The following FBXO47 variants were observed in gnomAD, a reference collection of about 807,000 sequenced individuals.
FBXO47 encodes F-box only protein 47.
Under a neutral mutation model 53.9 loss-of-function variants are expected in FBXO47, and 34 were observed. The ratio of observed to expected loss-of-function variants is 0.63; its 90% CI spans 0.48 to 0.84. The LOEUF is 0.84. FBXO47 is among the 40% of genes least tolerant of loss of function. The probability of loss-of-function intolerance (pLI) is 0.00; values close to 1 mark genes in which losing one functional copy is unlikely to be tolerated. For missense variants in FBXO47, 485 were observed against 541.3 expected, an observed-to-expected ratio of 0.90 and a Z score of 1.03; for synonymous variants, 165 against 181.6, an observed-to-expected ratio of 0.91 and a Z score of 0.73.
chr17:38,942,653 AAT>A, intron 9 of FBXO47, 123 bp downstream of exon 9: 1 of 603,816 alleles, frequency 1.7e-6, no homozygotes, highest in Non-Finnish European at 2.8e-6. Context: ...AAACATTAAA[AAT>A]ATATACTTCA....
Position 38,953,633 on chromosome 17 carries a change from A to G in FBXO47, c.507+1223T>C, listed in dbSNP as rs144333072. On this transcript the variant is annotated intron_variant, in intron 5 of 10. Coordinates refer to ENST00000378079, the MANE Select transcript of FBXO47 (RefSeq NM_001008777.3). ...GAGTGAGACTCTGCCTCAAAAATAA[A>G]TAAATTAATTAATTAATAAAAACTA... is the stretch of plus-strand genomic sequence containing the variant. Among the ~76,000 whole-genome samples, 392 of 152,264 alleles carry G rather than the reference A, an allele frequency of 2.6e-3. 3 individuals carry two copies. The highest frequency in any genetic ancestry group is 8.7e-3 in the African/African-American group (362 of 41,550).
At chr17:38,945,168 T>G in intron 6 of FBXO47, 32 bp from the exon 7 acceptor site, 1 of 1,523,680 alleles carries the variant, frequency 6.6e-7, no homozygotes, top group Non-Finnish European at 9.1e-7. Flanking sequence ...AAATCATTCT[T>G]CGTAGAAAGG....
chr17:38,959,358 A>G (rs1905705662), intron 3 of FBXO47, among the ~76,000 whole-genome samples: 1 of 151,966 alleles, frequency 6.6e-6, no homozygotes, highest in Non-Finnish European at 1.5e-5. Flanking sequence ...TGAGGAGGGC[A>G]GATCACTTGA....
At chr17:38,957,396 G>C in intron 3 of FBXO47, 143 bp from the exon 4 acceptor site, 1 of 592,386 alleles carries the variant, frequency 1.7e-6, no homozygotes, top group Non-Finnish European at 3.0e-6. Context: ...AGAAAGTTTG[G>C]GAGGAAGGGT....
At position 38,954,840 on chromosome 17, in the gene FBXO47, A is replaced by T. The variant is rs1479491337; in HGVS notation, c.507+16T>A. The T allele has an allele frequency of 1.3e-6, 2 of 1,545,782 alleles. No individual in the cohort carries two copies. Among genetic ancestry groups the T allele is most frequent in the Admixed American group, 3.5e-5 (2 of 56,870 alleles). On this transcript the variant is annotated intron_variant, in intron 5 of 10. Coordinates refer to ENST00000378079, the MANE Select transcript of FBXO47 (RefSeq NM_001008777.3). Reference sequence around the variant, plus strand: ...CCAAAGGTATCCCTTTTCTTCTCTGATTAAAAAAAATGTACCTGTAAAAAC... The same window carrying T: ...CCAAAGGTATCCCTTTTCTTCTCTGTTTAAAAAAAATGTACCTGTAAAAAC...
At chr17:38,943,916 G>C (rs1904620406) in intron 7 of FBXO47, among the ~76,000 whole-genome samples, 180 bp from the exon 8 acceptor site, 2 of 152,282 alleles carry the variant, frequency 1.3e-5, no homozygotes, top group South Asian at 4.1e-4. Context: ...CTCTGGCCGG[G>C]CGTGGTGGCT....
At chr17:38,947,073 C>CATATATATAAACATATATATAAACATAT (rs1228057958) in intron 6 of FBXO47, among the ~76,000 whole-genome samples, 1 of 122,280 alleles carries the variant, frequency 8.2e-6, no homozygotes, top group Non-Finnish European at 1.6e-5. Flanking sequence ...TATATATAAA[C>CATATATATAAACATATATATAAACATAT]ATATATAAAC....
chr17:38,962,638 T>C (rs1282732926), intron 2 of FBXO47, among the ~76,000 whole-genome samples: 1 of 148,222 alleles, frequency 6.7e-6, no homozygotes, highest in Non-Finnish European at 1.5e-5. Context: ...ATAATAATAA[T>C]AGTAATAATA....
chr17:38,955,259 G>A (rs929349807), intron 4 of FBXO47, among the ~76,000 whole-genome samples: 1 of 151,510 alleles, frequency 6.6e-6, no homozygotes, highest in African/African-American at 2.4e-5. Flanking sequence ...GTGGTGGTGG[G>A]CACCTGTAGT....
intron 6 of FBXO47, among the ~76,000 whole-genome samples, chr17:38,948,995 C>A (rs1007013780): frequency 6.6e-6 from 1 of 152,076 alleles, no homozygotes; most frequent in Admixed American, 6.6e-5. Context: ...CACAGCACTT[C>A]ATTCTTTTTA....
intron 3 of FBXO47, among the ~76,000 whole-genome samples, chr17:38,959,624 T>TTGTGTGTGTGTGTG (rs34354922): frequency 2.2e-4 from 28 of 126,250 alleles, no homozygotes; most frequent in African/African-American, 7.6e-4. Flanking sequence ...CTTCAAAGCA[T>TTGTGTGTGTGTGTG]TGTGTGTGTG....
chr17:38,963,231 G>A (rs1046824183), intron 1 of FBXO47, among the ~76,000 whole-genome samples, 180 bp from the exon 2 acceptor site: 3 of 152,060 alleles, frequency 2.0e-5, no homozygotes, highest in Admixed American at 2.0e-4. Context: ...AGGCTGGAGT[G>A]CAATGGCGTA....
chr17:38,951,632 C>A lies in FBXO47; in HGVS notation c.565G>T (p.Glu189Ter). ...ECHRVYNFLC[E>*]LTNLCRKIQM... is the part of the protein sequence containing the mutation. ...ATCTTGCGGCAGAGATTAGTCAGTT[C>A]GCATAAGAAATTATAAACGCGATGG... Residue 189 changes from glutamate (E) to a stop codon, truncating the protein, a stop_gained, in exon 6 of 11, where the codon GAA (glutamate) becomes TAA (stop). Transcript: ENST00000378079. LOFTEE classifies it high-confidence loss of function. 1 of 1,614,012 alleles carries A rather than the reference C, an allele frequency of 6.2e-7. No homozygotes were observed. The highest frequency in any genetic ancestry group is 8.5e-7 in the Non-Finnish European group (1 of 1,179,996).
At chr17:38,941,620 T>TTATATATATATATATATATATA (rs3040090) in intron 9 of FBXO47, among the ~76,000 whole-genome samples, 78 of 115,160 alleles carry the variant, frequency 6.8e-4, no homozygotes, top group Admixed American at 1.4e-3. Flanking sequence ...AAATATAATA[T>TTATATATATATATATATATATA]TATATATATA....
At chr17:38,938,971 T>G (rs1904371668) in intron 9 of FBXO47, among the ~76,000 whole-genome samples, 1 of 152,042 alleles carries the variant, frequency 6.6e-6, no homozygotes, top group African/African-American at 2.4e-5. Context: ...AAGATTATCA[T>G]AGAAGAATAT....
chr17:38,958,529 CAGGA>C (rs1216755656), intron 3 of FBXO47, among the ~76,000 whole-genome samples: 1 of 151,498 alleles, frequency 6.6e-6, no homozygotes, highest in Non-Finnish European at 1.5e-5. Context: ...GCTACAGTGA[CAGGA>C]AGTGTATGAT....
intron 9 of FBXO47, among the ~76,000 whole-genome samples, chr17:38,941,616 A>ATT (rs1022510888): frequency 0.14 from 14,605 of 102,334 alleles, 1,148 homozygotes; most frequent in East Asian, 0.33. Flanking sequence ...AAATAAATAT[A>ATT]ATATTATATA....
intron 6 of FBXO47, among the ~76,000 whole-genome samples, chr17:38,949,436 AAACAAAACAAAAC>A (rs1429766603): frequency 1.3e-5 from 2 of 151,856 alleles, no homozygotes; most frequent in African/African-American, 4.8e-5. Context: ...AAACAAAACA[AAACAAAACAAAAC>A]AACAATAACA....
Position 38,962,910 on chromosome 17 carries a change from G to C in FBXO47, c.116C>G (p.Ser39Ter). The C allele has an allele frequency of 6.2e-7, 1 of 1,613,082 alleles. No individual in the cohort carries two copies. The highest frequency in any genetic ancestry group is 8.5e-7 in the Non-Finnish European group (1 of 1,179,272). ...KTLGSGFQPI[S>*]TFGNFKALPL... ...TAAGGCTTTAAAATTTCCAAATGTTGATATGGGTTGAAAGCCTGAGCCAAG... is the reference window on the plus strand; with the variant it reads ...TAAGGCTTTAAAATTTCCAAATGTTCATATGGGTTGAAAGCCTGAGCCAAG... Residue 39 changes from serine (S) to a stop codon, truncating the protein, a stop_gained, in exon 2 of 11, where the codon TCA becomes TGA. Transcript: ENST00000378079. LOFTEE classifies it high-confidence loss of function.
Sources: allele counts gnomAD v4.1 joint callset (sites outside exome capture counted in the v4.1 genomes callset), GRCh38; gene constraint gnomAD v4.1.1; transcripts MANE v1.5; gene names NCBI Gene and HGNC (gene_info 2026-07-23, HGNC 2026-07-21).